RANBP2: variants seen among roughly 807,000 people sequenced by gnomAD.
The protein encoded by RANBP2 is RAN binding protein 2.
RANBP2 carries 57 observed loss-of-function variants against 303.6 expected under a neutral mutation model. The observed-to-expected ratio is 0.19, with a 90% CI of 0.15 to 0.23. The LOEUF (loss-of-function observed/expected upper bound fraction) is 0.23, where lower values mean the gene tolerates loss of function less well. Among genes scored for constraint, RANBP2 ranks in the 10% least tolerant of loss-of-function variants. RANBP2 has a pLI of 1.00. For missense variants in RANBP2, 3,138 were observed against 3,780.8 expected, an observed-to-expected ratio of 0.83 and a Z score of 4.46; for synonymous variants, 1,167 against 1,301.5, an observed-to-expected ratio of 0.90 and a Z score of 2.23.
chr2:109,255,704 G>A, the RANBP2 span, among the ~76,000 whole-genome samples: 1 of 152,198 alleles, frequency 6.6e-6, no homozygotes, highest in African/African-American at 2.4e-5. Context: ...GGACACTGGG[G>A]TGATAATTCA....
the RANBP2 span, chr2:109,553,169 T>C: frequency 6.2e-7 from 1 of 1,614,184 alleles, no homozygotes; most frequent in Non-Finnish European, 8.5e-7. Context: ...TTCCTTCCTC[T>C]GACGTTCACC....
At chr2:108,910,059 C>T in the RANBP2 span, among the ~76,000 whole-genome samples, 4 of 152,240 alleles carry the variant, frequency 2.6e-5, no homozygotes, top group Admixed American at 1.3e-4. Flanking sequence ...GTCATCACCA[C>T]GGTTGTTACC....
chr2:109,620,282 G>A, the RANBP2 span, among the ~76,000 whole-genome samples: 1 of 152,126 alleles, frequency 6.6e-6, no homozygotes, highest in Non-Finnish European at 1.5e-5. Flanking sequence ...TTAAATACCA[G>A]CCTATCAGTT....
chr2:109,018,130 G>A, the RANBP2 span, among the ~76,000 whole-genome samples: 4 of 152,194 alleles, frequency 2.6e-5, no homozygotes, highest in Admixed American at 2.6e-4. Context: ...AATGAACAAA[G>A]ACAGAGTCGG....
chr2:109,728,559 G>A, the RANBP2 span, among the ~76,000 whole-genome samples: 3 of 151,358 alleles, frequency 2.0e-5, no homozygotes, highest in African/African-American at 7.3e-5. Flanking sequence ...GGGTTCAAGC[G>A]ATTCTCCTGC....
the RANBP2 span, among the ~76,000 whole-genome samples, chr2:109,699,490 G>A: frequency 6.6e-6 from 1 of 152,196 alleles, no homozygotes; most frequent in African/African-American, 2.4e-5. Flanking sequence ...TATTTGGTGT[G>A]TCATATGTGT....
At chr2:109,608,377 T>C in the RANBP2 span, among the ~76,000 whole-genome samples, 10 of 152,170 alleles carry the variant, frequency 6.6e-5, no homozygotes, top group South Asian at 4.1e-4. Context: ...TCTAAGACAA[T>C]AGGACTTTCT....
chr2:108,789,261 A>T (rs1471569609), downstream of RANBP2, among the ~76,000 whole-genome samples: 1 of 152,226 alleles, frequency 6.6e-6, no homozygotes, highest in African/African-American at 2.4e-5. Flanking sequence ...GACCCAAATG[A>T]AGACTCTGCT....
the RANBP2 span, among the ~76,000 whole-genome samples, chr2:109,518,915 CTTTTTT>C: frequency 9.0e-6 from 1 of 110,998 alleles, no homozygotes; most frequent in Non-Finnish European, 1.7e-5. Flanking sequence ...TGCTACATAT[CTTTTTT>C]TTTTTTTTTT....
the RANBP2 span, among the ~76,000 whole-genome samples, chr2:109,142,542 A>G: frequency 6.6e-5 from 10 of 152,078 alleles, no homozygotes; most frequent in African/African-American, 1.7e-4. Flanking sequence ...CCCAGGGACA[A>G]CGGGGCACTC....
the RANBP2 span, among the ~76,000 whole-genome samples, chr2:108,832,519 G>C: frequency 7.9e-5 from 12 of 151,302 alleles, no homozygotes; most frequent in Non-Finnish European, 8.9e-5. Context: ...AGCTAATTTT[G>C]TATTTTTAGT....
the RANBP2 span, among the ~76,000 whole-genome samples, chr2:108,943,176 C>T: frequency 6.6e-6 from 1 of 152,070 alleles, no homozygotes; most frequent in Non-Finnish European, 1.5e-5. Flanking sequence ...AAAGAGAATT[C>T]GTTTCTTCGT....
the RANBP2 span, among the ~76,000 whole-genome samples, chr2:109,014,187 G>T: frequency 6.6e-6 from 1 of 152,342 alleles, no homozygotes; most frequent in Non-Finnish European, 1.5e-5. Context: ...CATGTGAAGA[G>T]ACAGGCTTTC....
At chr2:108,865,167 A>G in the RANBP2 span, among the ~76,000 whole-genome samples, 2 of 152,132 alleles carry the variant, frequency 1.3e-5, no homozygotes, top group Non-Finnish European at 2.9e-5. Context: ...TATTATGATC[A>G]GCATTATATC....
chr2:109,007,466 A>G, the RANBP2 span, among the ~76,000 whole-genome samples: 1 of 152,236 alleles, frequency 6.6e-6, no homozygotes, highest in Non-Finnish European at 1.5e-5. Context: ...GGTTGTGACC[A>G]CTTTCAAACT....
At chr2:108,965,750 G>C in the RANBP2 span, among the ~76,000 whole-genome samples, 245 of 152,190 alleles carry the variant, frequency 1.6e-3, 2 homozygotes, top group African/African-American at 5.6e-3. Context: ...TCTGTGCATT[G>C]ATGTGGTGGT....
chr2:109,524,185 A>C, the RANBP2 span, among the ~76,000 whole-genome samples: 2 of 152,094 alleles, frequency 1.3e-5, no homozygotes, highest in African/African-American at 4.8e-5. Context: ...ACAAATAAAA[A>C]CTCAGGCTCA....
chr2:109,606,025 G>A, the RANBP2 span, among the ~76,000 whole-genome samples: 1 of 152,204 alleles, frequency 6.6e-6, no homozygotes, highest in Non-Finnish European at 1.5e-5. Context: ...ACAACATGGA[G>A]GAAACAAAAG....
At chr2:109,130,729 C>T in the RANBP2 span, among the ~76,000 whole-genome samples, 1 of 152,192 alleles carries the variant, frequency 6.6e-6, no homozygotes, top group Non-Finnish European at 1.5e-5. Context: ...CTCCTGGGCT[C>T]CCAGGCAGGG....
Sources: allele counts gnomAD v4.1 joint callset (sites outside exome capture counted in the v4.1 genomes callset), GRCh38; gene constraint gnomAD v4.1.1; transcripts MANE v1.5; gene names NCBI Gene and HGNC (gene_info 2026-07-23, HGNC 2026-07-21).